The following RNF150 variants were observed in gnomAD, a reference collection of about 807,000 sequenced individuals.
RNF150 encodes the protein ring finger protein 150.
In RNF150, 24 loss-of-function variants were observed where a neutral mutation model predicts 39.3. That is an observed-to-expected ratio of 0.61 (90% confidence interval 0.44 to 0.86). The LOEUF is 0.86. Ranked by LOEUF, RNF150 falls within the 40% of genes least tolerant of loss-of-function variation. RNF150 has a pLI of 0.00. For synonymous variants in RNF150, 255 were observed against 227.3 expected, an observed-to-expected ratio of 1.12 and a Z score of -1.10; for missense variants, 502 against 587.8, an observed-to-expected ratio of 0.85 and a Z score of 1.51.
intron 1 of RNF150, among the ~76,000 whole-genome samples, chr4:141,089,594 A>T (rs1738500035): frequency 1.3e-5 from 2 of 152,222 alleles, no homozygotes; most frequent in Non-Finnish European, 2.9e-5. Flanking sequence ...TTTCTGACCT[A>T]ATTTTGGCAG....
chr4:140,916,537 C>T (rs1333839591), intron 5 of RNF150, among the ~76,000 whole-genome samples: 1 of 152,130 alleles, frequency 6.6e-6, no homozygotes, highest in Non-Finnish European at 1.5e-5. Context: ...AAATATGGGA[C>T]TATGTGAAAA....
intron 1 of RNF150, among the ~76,000 whole-genome samples, chr4:141,002,645 C>T (rs1054099678): frequency 2.0e-5 from 3 of 152,128 alleles, no homozygotes; most frequent in Admixed American, 1.3e-4. Context: ...TAGGAAGGAC[C>T]GCTGCATGCA....
chr4:140,876,814 T>C (rs1399717608), intron 6 of RNF150, among the ~76,000 whole-genome samples: 1 of 152,232 alleles, frequency 6.6e-6, no homozygotes, highest in African/African-American at 2.4e-5. Context: ...CTCAGCCACA[T>C]TTGGAAACCC....
At chr4:141,169,983 G>A (rs531912945) in intron 1 of RNF150, among the ~76,000 whole-genome samples, 12 of 152,046 alleles carry the variant, frequency 7.9e-5, no homozygotes, top group South Asian at 6.2e-4. Flanking sequence ...GAATTTATTC[G>A]GAAAAGCATT....
chr4:141,194,426 T>C (rs1173442149), intron 1 of RNF150, among the ~76,000 whole-genome samples: 1 of 152,190 alleles, frequency 6.6e-6, no homozygotes, highest in African/African-American at 2.4e-5. Context: ...ATAGCTAATA[T>C]CATTTTCATA....
Position 140,947,745 on chromosome 4 carries a change from G to C in RNF150, c.808-9C>G. Reference sequence around the variant, plus strand: ...AAATCAGACTCTGTTTCCTGCAACAGAGGAAGCACAGATGAGCCTATTTTC... The same window carrying C: ...AAATCAGACTCTGTTTCCTGCAACACAGGAAGCACAGATGAGCCTATTTTC... On this transcript the variant is annotated splice_polypyrimidine_tract_variant and intron_variant, in intron 3 of 6. Coordinates refer to ENST00000515673, the MANE Select transcript of RNF150 (RefSeq NM_020724.2). 1 of 1,576,134 alleles carries C rather than the reference G, an allele frequency of 6.3e-7. No individual in the cohort carries two copies. The highest frequency in any genetic ancestry group is 8.6e-7 in the Non-Finnish European group (1 of 1,158,348).
intron 1 of RNF150, among the ~76,000 whole-genome samples, chr4:141,076,485 C>T (rs1051673898): frequency 2.6e-5 from 4 of 151,878 alleles, no homozygotes; most frequent in Non-Finnish European, 5.9e-5. Flanking sequence ...GGGCCTGGCT[C>T]CCCAGTGTCT....
intron 4 of RNF150, among the ~76,000 whole-genome samples, chr4:140,929,025 G>A (rs73857136): frequency 0.024 from 3,665 of 152,264 alleles, 170 homozygotes; most frequent in African/African-American, 0.082. Context: ...TGATGCTTAA[G>A]TTCCTAATCT....
At chr4:140,924,157 C>T (rs1348870675) in intron 5 of RNF150, among the ~76,000 whole-genome samples, 1 of 152,134 alleles carries the variant, frequency 6.6e-6, no homozygotes, top group East Asian at 1.9e-4. Context: ...AAAGATGCTA[C>T]TGATGTTTAT....
At chr4:141,041,471 C>G (rs1467852556) in intron 1 of RNF150, among the ~76,000 whole-genome samples, 1 of 152,088 alleles carries the variant, frequency 6.6e-6, no homozygotes, top group Non-Finnish European at 1.5e-5. Context: ...GAAATCATCT[C>G]CTTACTTAAA....
chr4:140,906,947 A>G (rs1156735487), intron 6 of RNF150, among the ~76,000 whole-genome samples: 2 of 152,168 alleles, frequency 1.3e-5, no homozygotes, highest in African/African-American at 2.4e-5. Flanking sequence ...TTGAAAAATC[A>G]CAGGAAGGTT....
rs114420019 is a variant in RNF150 at position 141,062,812 on chromosome 4, C to T, written c.484+69513G>A. On this transcript the variant is annotated intron_variant, in intron 1 of 6. Coordinates refer to ENST00000515673, the MANE Select transcript of RNF150 (RefSeq NM_020724.2). ...GCACCGTACCCAACAGGCAGTCCTC[C>T]AGCCCTTGTCCCCCTCCCTTTCTCC... Among the ~76,000 whole-genome samples, 1,058 of 152,270 alleles carry T rather than the reference C, an allele frequency of 6.9e-3. 16 individuals are homozygous for T. The highest frequency in any genetic ancestry group is 0.025 in the African/African-American group (1,024 of 41,538).
At chr4:140,955,912 T>C (rs1406460007) in intron 2 of RNF150, among the ~76,000 whole-genome samples, 2 of 152,354 alleles carry the variant, frequency 1.3e-5, no homozygotes, top group African/African-American at 4.8e-5. Context: ...ATGGGCCATG[T>C]ACATGTAAAT....
intron 1 of RNF150, among the ~76,000 whole-genome samples, chr4:141,203,154 TATCTTGGAGATATATA>T (rs1406234522): frequency 1.6e-5 from 2 of 123,178 alleles, no homozygotes; most frequent in Non-Finnish European, 3.3e-5. Flanking sequence ...ACGATATATA[TATCTTGGAGATATATA>T]ATCTTGGAGA....
intron 1 of RNF150, among the ~76,000 whole-genome samples, chr4:141,177,081 A>T (rs1451932691): frequency 6.6e-6 from 1 of 151,720 alleles, no homozygotes; most frequent in African/African-American, 2.4e-5. Context: ...AAAACAAAGA[A>T]AAAAGACGGG....
chr4:140,909,178 A>G (rs1303563623), intron 6 of RNF150, among the ~76,000 whole-genome samples: 2 of 152,130 alleles, frequency 1.3e-5, no homozygotes, highest in South Asian at 2.1e-4. Flanking sequence ...CTGGGGCACA[A>G]TTTTCTCATG....
At chr4:141,044,513 T>C (rs1168410953) in intron 1 of RNF150, among the ~76,000 whole-genome samples, 2 of 152,200 alleles carry the variant, frequency 1.3e-5, no homozygotes, top group African/African-American at 2.4e-5. Context: ...TCCACTTTAA[T>C]TCTCTCAATC....
intron 1 of RNF150, among the ~76,000 whole-genome samples, chr4:141,026,836 G>A (rs1345936897): frequency 6.6e-6 from 1 of 152,170 alleles, no homozygotes; most frequent in Middle Eastern, 3.2e-3. Flanking sequence ...ACAGGCAAAT[G>A]TCAGACCAGA....
At chr4:141,131,349 G>A (rs1300946462) in intron 1 of RNF150, among the ~76,000 whole-genome samples, 1 of 152,274 alleles carries the variant, frequency 6.6e-6, no homozygotes, top group South Asian at 2.1e-4. Flanking sequence ...CCCCTTTGGG[G>A]AAGGAGGGCC....
Sources: gnomAD v4.1 joint callset for allele counts (sites outside exome capture counted in the v4.1 genomes callset) on GRCh38, gnomAD v4.1.1 for gene constraint, MANE v1.5 for transcripts, NCBI Gene and HGNC (gene_info 2026-07-23, HGNC 2026-07-21) for gene names.